CDKAL1: variants seen among roughly 807,000 people sequenced by gnomAD.
The protein encoded by CDKAL1 is threonylcarbamoyladenosine tRNA methylthiotransferase.
Under a neutral mutation model 68.2 loss-of-function variants are expected in CDKAL1, and 32 were observed. That is an observed-to-expected ratio of 0.47 (90% CI 0.35 to 0.63). The LOEUF is 0.63. Ranked by LOEUF, CDKAL1 falls within the 30% of genes least tolerant of loss-of-function variation. The probability of loss-of-function intolerance (pLI) is 0.00; values close to 1 mark genes in which losing one functional copy is unlikely to be tolerated. For synonymous variants in CDKAL1, 234 were observed against 244.3 expected, an observed-to-expected ratio of 0.96 and a Z score of 0.39; for missense variants, 606 against 696.7, an observed-to-expected ratio of 0.87 and a Z score of 1.47.
intron 8 of CDKAL1, among the ~76,000 whole-genome samples, chr6:20,806,811 A>G (rs1486282227): frequency 2.0e-5 from 3 of 152,196 alleles, no homozygotes; most frequent in African/African-American, 7.2e-5. Context: ...TGGAACAACT[A>G]CAAGCGAGGA....
chr6:21,152,948 T>A (rs893634354), intron 13 of CDKAL1, among the ~76,000 whole-genome samples: 1 of 152,200 alleles, frequency 6.6e-6, no homozygotes, highest in African/African-American at 2.4e-5. Context: ...CAGCAATTTT[T>A]GAAACACTGT....
intron 12 of CDKAL1, among the ~76,000 whole-genome samples, chr6:21,089,435 C>T (rs1484706213): frequency 6.6e-6 from 1 of 152,136 alleles, no homozygotes; most frequent in Non-Finnish European, 1.5e-5. Context: ...TGTGATCCTT[C>T]CACTACATTC....
At chr6:20,873,376 A>T (rs1429775126) in intron 9 of CDKAL1, among the ~76,000 whole-genome samples, 1 of 152,176 alleles carries the variant, frequency 6.6e-6, no homozygotes, top group Non-Finnish European at 1.5e-5. Context: ...CTCTCAGGTG[A>T]TGCAGATAAT....
intron 9 of CDKAL1, among the ~76,000 whole-genome samples, chr6:20,915,382 T>C (rs1762677371): frequency 6.6e-6 from 1 of 152,146 alleles, no homozygotes; most frequent in South Asian, 2.1e-4. Context: ...GTCTGCAGGC[T>C]TGGGCAGGCT....
rs140346406 is a variant in CDKAL1 at position 20,591,935 on chromosome 6, G to A, written c.286+43230G>A. Among the ~76,000 whole-genome samples, 608 of 152,272 alleles carry A rather than the reference G, an allele frequency of 4.0e-3. 5 individuals carry two copies. Among genetic ancestry groups the A allele is most frequent in the African/African-American group, 0.013 (549 of 41,536 alleles). Reference sequence around the variant, plus strand: ...AGTCAATGGTAGCTTGATGGAGATAGCATTGAATCTATAAATTACTTTGGA... The same window carrying A: ...AGTCAATGGTAGCTTGATGGAGATAACATTGAATCTATAAATTACTTTGGA... On this transcript the variant is annotated intron_variant, in intron 4 of 15. Transcript: ENST00000274695.
chr6:20,556,470 C>T (rs1461170080), intron 4 of CDKAL1, among the ~76,000 whole-genome samples: 4 of 152,050 alleles, frequency 2.6e-5, no homozygotes, highest in Admixed American at 2.6e-4. Context: ...GTAATTGATC[C>T]AGTGGAACCT....
At chr6:21,093,681 G>C (rs1773161187) in intron 12 of CDKAL1, among the ~76,000 whole-genome samples, 1 of 141,064 alleles carries the variant, frequency 7.1e-6, no homozygotes, top group Admixed American at 7.1e-5. Context: ...AACCAACTGA[G>C]CTGCTGCTGC....
intron 3 of CDKAL1, 138 bp from the exon 4 acceptor site, chr6:20,548,455 C>T (rs1006798396): frequency 1.7e-5 from 11 of 628,632 alleles, no homozygotes; most frequent in Non-Finnish European, 2.9e-5. Flanking sequence ...ATCCCTTAGG[C>T]CTGGGAGGTT....
At chr6:20,734,449 A>T (rs965384965) in intron 5 of CDKAL1, among the ~76,000 whole-genome samples, 11 of 152,274 alleles carry the variant, frequency 7.2e-5, no homozygotes, top group African/African-American at 2.6e-4. Context: ...ATTTTGCAGG[A>T]TAAAAGCTTT....
chr6:20,976,517 T>C (rs1765854430), intron 10 of CDKAL1, among the ~76,000 whole-genome samples: 1 of 152,192 alleles, frequency 6.6e-6, no homozygotes, highest in East Asian at 1.9e-4. Flanking sequence ...AAAAAACTTT[T>C]TATTGTGGTA....
At chr6:21,023,501 C>T (rs554551796) in intron 11 of CDKAL1, among the ~76,000 whole-genome samples, 2 of 152,272 alleles carry the variant, frequency 1.3e-5, no homozygotes, top group East Asian at 3.9e-4. Flanking sequence ...CCAGAAAGCT[C>T]AAGTCCTTTA....
chr6:21,050,737 C>A (rs555614136), intron 11 of CDKAL1, among the ~76,000 whole-genome samples: 32 of 152,246 alleles, frequency 2.1e-4, no homozygotes, highest in African/African-American at 5.3e-4. Context: ...GGAAAACGTG[C>A]CAAACAGGAA....
intron 9 of CDKAL1, among the ~76,000 whole-genome samples, chr6:20,891,182 A>G (rs146344831): frequency 1.3e-5 from 2 of 152,174 alleles, no homozygotes; most frequent in Admixed American, 1.3e-4. Flanking sequence ...TGGTGTGTTC[A>G]TTTTGAGGGT....
chr6:20,561,001 T>G (rs1764243496), intron 4 of CDKAL1, among the ~76,000 whole-genome samples: 1 of 152,212 alleles, frequency 6.6e-6, no homozygotes, highest in Admixed American at 6.5e-5. Context: ...TTAGCTTATT[T>G]CTGCTGGCTT....
At chr6:21,063,701 TA>T (rs1220425899) in intron 11 of CDKAL1, among the ~76,000 whole-genome samples, 2 of 152,166 alleles carry the variant, frequency 1.3e-5, no homozygotes, top group Non-Finnish European at 2.9e-5. Context: ...CTGAGAAATG[TA>T]AATAGTAATA....
chr6:21,029,755 A>G (rs1346342127), intron 11 of CDKAL1, among the ~76,000 whole-genome samples: 1 of 152,216 alleles, frequency 6.6e-6, no homozygotes, highest in African/African-American at 2.4e-5. Context: ...CGTTAGAGAA[A>G]TGCAAATCAA....
chr6:21,134,428 T>G (rs995764942), intron 13 of CDKAL1, among the ~76,000 whole-genome samples: 1 of 152,204 alleles, frequency 6.6e-6, no homozygotes, highest in Non-Finnish European at 1.5e-5. Context: ...ATAAAACACA[T>G]TTTATGTTTT....
intron 8 of CDKAL1, among the ~76,000 whole-genome samples, chr6:20,782,983 T>A (rs767017231): frequency 1.4e-4 from 22 of 152,046 alleles, no homozygotes; most frequent in Non-Finnish European, 7.4e-5. Flanking sequence ...TAGGCTGGAG[T>A]GCAATGGCGT....
At chr6:20,711,235 A>T (rs576841907) in intron 5 of CDKAL1, among the ~76,000 whole-genome samples, 1 of 152,212 alleles carries the variant, frequency 6.6e-6, no homozygotes, top group East Asian at 1.9e-4. Context: ...ATGTTAATTC[A>T]TTAGAAAGGA....
Sources: allele counts gnomAD v4.1 joint callset (sites outside exome capture counted in the v4.1 genomes callset), GRCh38; gene constraint gnomAD v4.1.1; transcripts MANE v1.5; gene names NCBI Gene and HGNC (gene_info 2026-07-23, HGNC 2026-07-21).